UST: variants seen among roughly 807,000 people sequenced by gnomAD.
The protein encoded by UST is chondroitin sulfate 2-O-sulfotransferase.
In UST, 21 loss-of-function variants were observed where a neutral mutation model predicts 45.6. The observed-to-expected ratio is 0.46, with a 90% CI of 0.33 to 0.66. UST has a LOEUF of 0.66. Among genes scored for constraint, UST ranks in the 30% least tolerant of loss-of-function variants. The pLI, the probability that UST is intolerant of heterozygous loss-of-function variation, is 0.02. For missense variants in UST, 463 were observed against 512.4 expected (o/e 0.90, Z 0.93); for synonymous variants, 215 against 200.6 (o/e 1.07, Z -0.61).
At chr6:148,926,794 A>C (rs1254536875) in intron 2 of UST, among the ~76,000 whole-genome samples, 1 of 152,174 alleles carries the variant, frequency 6.6e-6, no homozygotes, top group Non-Finnish European at 1.5e-5. Flanking sequence ...GTCTAGGGTG[A>C]CTATTTTTAG....
intron 1 of UST, among the ~76,000 whole-genome samples, chr6:148,801,481 T>G (rs192171986): frequency 6.6e-6 from 1 of 152,212 alleles, no homozygotes; most frequent in East Asian, 1.9e-4. Flanking sequence ...TCTGGGAGGA[T>G]TTTTCTTTTT....
chr6:148,796,556 G>A (rs569170247), intron 1 of UST, among the ~76,000 whole-genome samples: 3 of 149,610 alleles, frequency 2.0e-5, no homozygotes, highest in Admixed American at 1.3e-4. Context: ...CCTGGGAGGC[G>A]GAGGTTGCAG....
intron 5 of UST, among the ~76,000 whole-genome samples, chr6:148,974,274 A>G (rs1780974289): frequency 6.6e-6 from 1 of 152,038 alleles, no homozygotes; most frequent in South Asian, 2.1e-4. Flanking sequence ...ATAGATGCCT[A>G]ATCTCCTGAA....
At chr6:148,994,303 A>G (rs1347636810) in intron 5 of UST, among the ~76,000 whole-genome samples, 1 of 152,104 alleles carries the variant, frequency 6.6e-6, no homozygotes, top group Non-Finnish European at 1.5e-5. Context: ...AGAGTGGGCT[A>G]GTAAACAACC....
At chr6:148,781,904 C>G (rs148498736) in intron 1 of UST, among the ~76,000 whole-genome samples, 2 of 152,208 alleles carry the variant, frequency 1.3e-5, no homozygotes, top group African/African-American at 4.8e-5. Flanking sequence ...AAATAGTGCT[C>G]AGAAAAACAG....
At chr6:149,057,408 A>T (rs556067924) in intron 7 of UST, among the ~76,000 whole-genome samples, 24 of 152,350 alleles carry the variant, frequency 1.6e-4, no homozygotes, top group Non-Finnish European at 2.8e-4. Flanking sequence ...ATGTAACAAT[A>T]AAATAAATGT....
At chr6:149,014,108 A>T (rs1775860134) in intron 5 of UST, among the ~76,000 whole-genome samples, 1 of 152,212 alleles carries the variant, frequency 6.6e-6, no homozygotes, top group Admixed American at 6.5e-5. Context: ...GGCAGTGCAG[A>T]GTGAGGAGAA....
At chr6:148,818,403 A>G (rs1331655168) in intron 1 of UST, among the ~76,000 whole-genome samples, 1 of 152,210 alleles carries the variant, frequency 6.6e-6, no homozygotes, top group Non-Finnish European at 1.5e-5. Context: ...AGTAACCTAG[A>G]GAAGGGGGTA....
intron 1 of UST, among the ~76,000 whole-genome samples, chr6:148,866,022 T>C (rs902370231): frequency 5.9e-5 from 9 of 152,052 alleles, no homozygotes; most frequent in African/African-American, 2.2e-4. Context: ...TATATGTATA[T>C]GTGTGTGTAT....
At chr6:148,801,920 TG>T (rs1777064143) in intron 1 of UST, among the ~76,000 whole-genome samples, 1 of 152,246 alleles carries the variant, frequency 6.6e-6, no homozygotes. Flanking sequence ...GTTAAAGTAC[TG>T]GTTCTGCTAA....
chr6:148,909,786 T>C (rs967653975), intron 2 of UST, among the ~76,000 whole-genome samples: 16 of 152,174 alleles, frequency 1.1e-4, no homozygotes, highest in African/African-American at 2.7e-4. Context: ...TTTTGCTAGG[T>C]AGCAATTCCT....
At chr6:148,994,285 G>A (rs1288432133) in intron 5 of UST, among the ~76,000 whole-genome samples, 1 of 151,904 alleles carries the variant, frequency 6.6e-6, no homozygotes, top group Non-Finnish European at 1.5e-5. Context: ...GATATTTATA[G>A]CAATGCAAGA....
At chr6:148,773,353 C>G (rs1321591525) in intron 1 of UST, among the ~76,000 whole-genome samples, 1 of 151,702 alleles carries the variant, frequency 6.6e-6, no homozygotes, top group Non-Finnish European at 1.5e-5. Context: ...CCCAGCTACT[C>G]AGGAGGCTGA....
At chr6:149,062,546 A>G (rs1776669184) in intron 7 of UST, among the ~76,000 whole-genome samples, 1 of 152,212 alleles carries the variant, frequency 6.6e-6, no homozygotes, top group Non-Finnish European at 1.5e-5. Context: ...GTTTTTCACC[A>G]GATCCTCCCA....
At chr6:148,813,649 G>C (rs1367607651) in intron 1 of UST, among the ~76,000 whole-genome samples, 1 of 152,062 alleles carries the variant, frequency 6.6e-6, no homozygotes, top group Non-Finnish European at 1.5e-5. Flanking sequence ...CAAAGTGCTG[G>C]GATTACAGAA....
intron 2 of UST, among the ~76,000 whole-genome samples, chr6:148,916,524 T>C (rs999468918): frequency 6.6e-6 from 1 of 152,170 alleles, no homozygotes. Context: ...TGCCGCCCCC[T>C]CTTTAGCGCC....
intron 7 of UST, among the ~76,000 whole-genome samples, chr6:149,036,359 C>T (rs1036030374): frequency 1.3e-5 from 2 of 152,346 alleles, no homozygotes; most frequent in East Asian, 1.9e-4. Flanking sequence ...TTTGCCTAAT[C>T]GGATGCGTGC....
intron 1 of UST, among the ~76,000 whole-genome samples, chr6:148,803,642 A>G (rs541589041): frequency 6.6e-6 from 1 of 152,284 alleles, no homozygotes; most frequent in East Asian, 1.9e-4. Flanking sequence ...TAAATCAGAT[A>G]AAGCCTCCCA....
At chr6:148,881,038 A>AG (rs1582874884) in intron 1 of UST, among the ~76,000 whole-genome samples, 1 of 152,128 alleles carries the variant, frequency 6.6e-6, no homozygotes, top group East Asian at 1.9e-4. Flanking sequence ...AAAAAAAAAA[A>AG]AAAAAATTAA....
Sources: gnomAD v4.1 joint callset for allele counts (sites outside exome capture counted in the v4.1 genomes callset) on GRCh38, gnomAD v4.1.1 for gene constraint, MANE v1.5 for transcripts, NCBI Gene and HGNC (gene_info 2026-07-23, HGNC 2026-07-21) for gene names.